Variants in AGBL1 observed in about 807,000 individuals in gnomAD.
AGBL1 encodes the protein AGBL carboxypeptidase 1.
AGBL1 carries 130 observed loss-of-function variants against 118.9 expected under a neutral mutation model. The ratio of observed to expected loss-of-function variants is 1.09; its 90% CI spans 0.95 to 1.26. The LOEUF (loss-of-function observed/expected upper bound fraction) is 1.26. Among genes scored for constraint, AGBL1 ranks in the 50% most tolerant of loss-of-function variants. The pLI is 0.00. For synonymous variants in AGBL1, 555 were observed against 478.9 expected (o/e 1.16, Z -2.08); for missense variants, 1,584 against 1,298.1 (o/e 1.22, Z -3.38).
intron 22 of AGBL1, among the ~76,000 whole-genome samples, chr15:86,833,499 A>G (rs2079134024): frequency 6.6e-6 from 1 of 152,064 alleles, no homozygotes; most frequent in South Asian, 2.1e-4. Context: ...TGTTGCTGCC[A>G]TGCAAAACTT....
chr15:86,606,899 G>A (rs903691350), intron 21 of AGBL1, among the ~76,000 whole-genome samples: 12 of 152,074 alleles, frequency 7.9e-5, no homozygotes, highest in Non-Finnish European at 1.5e-4. Flanking sequence ...ATAATTACAT[G>A]TATCCTATGT....
chr15:86,767,793 TGTTGTTCTTACTG>T (rs2078117605), intron 22 of AGBL1, among the ~76,000 whole-genome samples: 1 of 151,996 alleles, frequency 6.6e-6, no homozygotes, highest in South Asian at 2.1e-4. Context: ...TTCCTCTTCT[TGTTGTTCTTACTG>T]GTAGCATTCT....
chr15:86,461,199 G>A lies in AGBL1; in HGVS notation c.2556-61611G>A, dbSNP rs554879876. The stretch of plus-strand genomic sequence containing the variant: ...CAGCTGCCTCTACCATGCCCCATCG[G>A]TGGTAGGGTGTGGGGGTACCAACAC... On this transcript the variant is annotated intron_variant, in intron 18 of 22. Coordinates refer to ENST00000614907, the MANE Select transcript of AGBL1 (RefSeq NM_001386094.1). Among the ~76,000 whole-genome samples, 31 of 152,208 alleles carry A rather than the reference G, an allele frequency of 2.0e-4. 1 individual carries two copies. The highest frequency in any genetic ancestry group is 6.5e-4 in the African/African-American group (27 of 41,532).
chr15:86,413,864 G>A (rs2081654630), intron 18 of AGBL1, among the ~76,000 whole-genome samples: 1 of 152,070 alleles, frequency 6.6e-6, no homozygotes, highest in Non-Finnish European at 1.5e-5. Flanking sequence ...CTGTGGAGAA[G>A]CTTTCTGGTT....
At chr15:86,196,883 A>C (rs144269720) in intron 5 of AGBL1, among the ~76,000 whole-genome samples, 1 of 75,548 alleles carries the variant, frequency 1.3e-5, no homozygotes, top group South Asian at 3.9e-4. Flanking sequence ...GCGCGCGCAC[A>C]CACACACACA....
chr15:86,960,548 A>T (rs777462342), intron 23 of AGBL1, among the ~76,000 whole-genome samples: 1 of 151,998 alleles, frequency 6.6e-6, no homozygotes, highest in Non-Finnish European at 1.5e-5. Flanking sequence ...GTAAATTAGT[A>T]CAGTATAGAG....
At position 86,262,758 on chromosome 15, in the gene AGBL1, C is replaced by T. The variant is rs1420401724; in HGVS notation, c.970-20C>T. On this transcript the variant is annotated intron_variant, in intron 9 of 22. Transcript: ENST00000614907. ...GTGGATTTCCTGACTGTAATCTCTTCTATGACTATTCCATTTTAGGATGAT... is the reference window on the plus strand; with the variant it reads ...GTGGATTTCCTGACTGTAATCTCTTTTATGACTATTCCATTTTAGGATGAT... 6.6e-7 allele frequency: 1 copy of T among 1,518,980 alleles called. No homozygotes were observed. The highest frequency in any genetic ancestry group is 9.1e-7 in the Non-Finnish European group (1 of 1,103,608). The allele number at this position is 1,518,980 out of a possible 1,614,324, so 94.1% of individuals were successfully genotyped here. A position where few individuals can be genotyped will look rare whatever the true frequency, so the allele number is the denominator to read the frequency against.
intron 22 of AGBL1, among the ~76,000 whole-genome samples, chr15:86,843,610 C>G (rs1452455): frequency 1.3e-5 from 2 of 152,074 alleles, no homozygotes; most frequent in South Asian, 2.1e-4. Context: ...AAGGCAACGC[C>G]GAATGATTTC....
chr15:86,746,356 G>T (rs1013923630), intron 22 of AGBL1, among the ~76,000 whole-genome samples: 1 of 152,072 alleles, frequency 6.6e-6, no homozygotes, highest in African/African-American at 2.4e-5. Flanking sequence ...GCTATTCCCA[G>T]TTCCTAAATC....
intron 22 of AGBL1, among the ~76,000 whole-genome samples, chr15:86,773,232 G>T (rs1206287963): frequency 1.3e-5 from 2 of 152,042 alleles, no homozygotes; most frequent in East Asian, 1.9e-4. Flanking sequence ...AAAAAGACTT[G>T]CAAAAAGAAT....
intron 22 of AGBL1, among the ~76,000 whole-genome samples, chr15:86,865,985 T>C (rs1158881356): frequency 1.3e-5 from 2 of 152,210 alleles, no homozygotes; most frequent in Non-Finnish European, 2.9e-5. Flanking sequence ...TCATTATCAT[T>C]TTCATTATCA....
intron 22 of AGBL1, among the ~76,000 whole-genome samples, chr15:86,799,950 G>A (rs1207131323): frequency 2.6e-5 from 4 of 152,050 alleles, no homozygotes; most frequent in Non-Finnish European, 5.9e-5. Context: ...AATTACCCAG[G>A]TATAAAATGC....
chr15:86,748,376 T>A (rs2077789936), intron 22 of AGBL1, among the ~76,000 whole-genome samples: 1 of 152,150 alleles, frequency 6.6e-6, no homozygotes, highest in Non-Finnish European at 1.5e-5. Flanking sequence ...ATTCTGGATA[T>A]ATTAGCCCTT....
chr15:86,710,312 G>A (rs558303556), intron 22 of AGBL1, among the ~76,000 whole-genome samples: 3 of 152,268 alleles, frequency 2.0e-5, no homozygotes, highest in Non-Finnish European at 2.9e-5. Context: ...GCTTTACTTA[G>A]TAAGACCTAT....
At chr15:86,565,546 G>T (rs1235153854) in intron 21 of AGBL1, among the ~76,000 whole-genome samples, 1 of 152,212 alleles carries the variant, frequency 6.6e-6, no homozygotes, top group Non-Finnish European at 1.5e-5. Flanking sequence ...CCCCTACTGG[G>T]GGGTGCCTCC....
At chr15:86,688,870 T>C (rs1444958283) in intron 22 of AGBL1, among the ~76,000 whole-genome samples, 1 of 152,058 alleles carries the variant, frequency 6.6e-6, no homozygotes, top group East Asian at 1.9e-4. Flanking sequence ...CATTCGTCAC[T>C]CTACTCCAGT....
chr15:86,505,466 T>A (rs1171979100), intron 18 of AGBL1, among the ~76,000 whole-genome samples: 2 of 151,956 alleles, frequency 1.3e-5, no homozygotes, highest in African/African-American at 4.8e-5. Flanking sequence ...TTTTAGATCC[T>A]TTCTTCTCTC....
chr15:86,280,215 T>G (rs1352107030), intron 16 of AGBL1, among the ~76,000 whole-genome samples: 4 of 152,216 alleles, frequency 2.6e-5, no homozygotes, highest in African/African-American at 9.6e-5. Context: ...CTTGGGAAAC[T>G]TCTGAGTCTG....
At chr15:86,623,056 G>A (rs2142414901) in intron 21 of AGBL1, among the ~76,000 whole-genome samples, 1 of 152,284 alleles carries the variant, frequency 6.6e-6, no homozygotes, top group Non-Finnish European at 1.5e-5. Flanking sequence ...GGGAGATAGT[G>A]CTCCAGCAGT....
Sources: allele counts gnomAD v4.1 joint callset (sites outside exome capture counted in the v4.1 genomes callset), GRCh38; gene constraint gnomAD v4.1.1; transcripts MANE v1.5; gene names NCBI Gene and HGNC (gene_info 2026-07-23, HGNC 2026-07-21).